DPYD: variants seen among roughly 807,000 people sequenced by gnomAD.
DPYD encodes the protein dihydropyrimidine dehydrogenase, also known as dihydropyrimidine dehydrogenase [NADP(+)].
DPYD carries 109 observed loss-of-function variants against 116.2 expected under a neutral mutation model. That is an observed-to-expected ratio of 0.94 (90% CI 0.80 to 1.10). The LOEUF is 1.10. Among genes scored for constraint, DPYD ranks in the 50% least tolerant of loss-of-function variants. DPYD has a pLI of 0.00. For synonymous variants in DPYD, 440 were observed against 432.0 expected (o/e 1.02, Z -0.23); for missense variants, 1,302 against 1,254.5 (o/e 1.04, Z -0.57).
In DPYD at chr1:97,235,866, A is replaced by G. The variant is rs2100752526; in HGVS notation, c.2300-872T>C. Among the ~76,000 whole-genome samples, 2 of 152,314 alleles carry G rather than the reference A, an allele frequency of 1.3e-5. 1 individual carries two copies. The highest frequency in any genetic ancestry group is 4.1e-4 in the South Asian group (2 of 4,826). ...GGGAGTCTAATCCAATTTTTCACATATTAGAAAGTTTTAATCAAGTTAAAG... is the reference window on the plus strand; with the variant it reads ...GGGAGTCTAATCCAATTTTTCACATGTTAGAAAGTTTTAATCAAGTTAAAG... On this transcript the variant is annotated intron_variant, in intron 18 of 22. Transcript: ENST00000370192.
At chr1:97,302,686 C>G (rs910251132) in intron 18 of DPYD, among the ~76,000 whole-genome samples, 13 of 151,988 alleles carry the variant, frequency 8.6e-5, no homozygotes, top group Non-Finnish European at 4.4e-5. Context: ...TTGAAGTTAA[C>G]TAAGTAAAAA....
intron 13 of DPYD, among the ~76,000 whole-genome samples, chr1:97,458,695 C>T (rs1676845304): frequency 6.6e-6 from 1 of 152,050 alleles, no homozygotes. Context: ...AGAGCAATGG[C>T]GGGTCATGCG....
At chr1:97,295,588 G>T in intron 18 of DPYD, 1 of 171,258 alleles carries the variant, frequency 5.8e-6, no homozygotes, top group South Asian at 1.9e-4. Flanking sequence ...ATGTCACCAT[G>T]CCAGGCTAAG....
chr1:97,273,975 C>T (rs1411954862), intron 18 of DPYD, among the ~76,000 whole-genome samples: 1 of 152,122 alleles, frequency 6.6e-6, no homozygotes, highest in Non-Finnish European at 1.5e-5. Flanking sequence ...GAAACATTTA[C>T]TTTTGAAGAA....
At chr1:97,126,966 A>C (rs1232917830) in intron 20 of DPYD, among the ~76,000 whole-genome samples, 1 of 152,168 alleles carries the variant, frequency 6.6e-6, no homozygotes, top group Non-Finnish European at 1.5e-5. Context: ...TTATGTACAA[A>C]GTACTTTACA....
chr1:97,418,285 AATTGAGAT>A (rs1674388083), intron 14 of DPYD, among the ~76,000 whole-genome samples: 1 of 150,578 alleles, frequency 6.6e-6, no homozygotes, highest in Middle Eastern at 3.2e-3. Context: ...CTCTAGTTCT[AATTGAGAT>A]AGATATAAGA....
intron 8 of DPYD, among the ~76,000 whole-genome samples, chr1:97,612,144 T>C (rs1490610615): frequency 1.3e-5 from 2 of 152,010 alleles, no homozygotes; most frequent in Non-Finnish European, 2.9e-5. Flanking sequence ...GAGGGCAAAA[T>C]AGACCAACTT....
chr1:97,292,835 A>G (rs1384249636), intron 18 of DPYD, among the ~76,000 whole-genome samples: 1 of 152,068 alleles, frequency 6.6e-6, no homozygotes, highest in Non-Finnish European at 1.5e-5. Flanking sequence ...CTAGGGTAAA[A>G]AGATATTTCA....
intron 3 of DPYD, among the ~76,000 whole-genome samples, chr1:97,792,356 C>T (rs921490717): frequency 6.6e-6 from 1 of 152,002 alleles, no homozygotes; most frequent in African/African-American, 2.4e-5. Flanking sequence ...TCACTGCAAC[C>T]TCCACCCCCC....
At chr1:97,290,990 G>GA (rs1666110141) in intron 18 of DPYD, among the ~76,000 whole-genome samples, 2 of 151,922 alleles carry the variant, frequency 1.3e-5, no homozygotes, top group South Asian at 4.2e-4. Flanking sequence ...AAATTTACAA[G>GA]AAAAAACCAA....
chr1:97,787,260 A>C (rs992466730), intron 3 of DPYD, among the ~76,000 whole-genome samples: 17 of 152,342 alleles, frequency 1.1e-4, no homozygotes, highest in African/African-American at 3.8e-4. Context: ...ATAACTTAAT[A>C]AGCCACAATT....
chr1:97,558,387 A>C (rs950441065), intron 11 of DPYD, among the ~76,000 whole-genome samples: 5 of 152,170 alleles, frequency 3.3e-5, no homozygotes, highest in Non-Finnish European at 5.9e-5. Flanking sequence ...CCATTTATTT[A>C]GCATTCATAT....
intron 1 of DPYD, among the ~76,000 whole-genome samples, chr1:97,893,003 T>C (rs989616501): frequency 2.6e-5 from 4 of 151,828 alleles, no homozygotes; most frequent in African/African-American, 9.7e-5. Context: ...CATAGGGTTG[T>C]TGTGATGATT....
intron 1 of DPYD, among the ~76,000 whole-genome samples, chr1:97,914,105 A>G (rs1414700092): frequency 2.6e-5 from 4 of 152,118 alleles, no homozygotes; most frequent in Non-Finnish European, 5.9e-5. Flanking sequence ...GATGGAGGTA[A>G]AGTCTAGCAA....
intron 3 of DPYD, among the ~76,000 whole-genome samples, chr1:97,759,702 G>C (rs192479314): frequency 6.6e-6 from 1 of 151,702 alleles, no homozygotes; most frequent in Non-Finnish European, 1.5e-5. Flanking sequence ...TGTATTTTTT[G>C]TTGTCCTAAA....
At chr1:97,140,507 C>T (rs576274799) in intron 20 of DPYD, among the ~76,000 whole-genome samples, 1 of 152,204 alleles carries the variant, frequency 6.6e-6, no homozygotes, top group East Asian at 1.9e-4. Context: ...TGGCACCTGC[C>T]CTGATTGCAT....
chr1:97,852,635 T>A (rs960455419), intron 2 of DPYD, among the ~76,000 whole-genome samples: 1 of 152,190 alleles, frequency 6.6e-6, no homozygotes, highest in Admixed American at 6.5e-5. Context: ...TAATGCCAAC[T>A]ATTTTTCGTC....
intron 4 of DPYD, among the ~76,000 whole-genome samples, chr1:97,739,966 A>T (rs932299250): frequency 3.3e-5 from 5 of 152,070 alleles, no homozygotes; most frequent in African/African-American, 1.2e-4. Flanking sequence ...AAACATATTA[A>T]CTGAATTTTA....
At chr1:97,476,954 TA>T (rs1678001747) in intron 13 of DPYD, among the ~76,000 whole-genome samples, 1 of 152,200 alleles carries the variant, frequency 6.6e-6, no homozygotes, top group Non-Finnish European at 1.5e-5. Flanking sequence ...TCTTTATTGC[TA>T]AAAACTGCTA....
Sources: gnomAD v4.1 joint callset for allele counts (sites outside exome capture counted in the v4.1 genomes callset) on GRCh38, gnomAD v4.1.1 for gene constraint, MANE v1.5 for transcripts, NCBI Gene and HGNC (gene_info 2026-07-23, HGNC 2026-07-21) for gene names.